PAPPA: variants seen among roughly 807,000 people sequenced by gnomAD.
PAPPA encodes the protein pappalysin 1.
A neutral mutation model predicts 164.0 loss-of-function variants in PAPPA; 60 were observed. The observed-to-expected ratio is 0.37, with a 90% CI of 0.30 to 0.45. PAPPA has a LOEUF of 0.45. Ranked by LOEUF, PAPPA falls within the 20% of genes least tolerant of loss-of-function variation. The probability of loss-of-function intolerance (pLI) is 1.00; values close to 1 mark genes in which losing one functional copy is unlikely to be tolerated. For synonymous variants in PAPPA, 875 were observed against 814.1 expected (o/e 1.07, Z -1.27); for missense variants, 1,782 against 2,087.3 (o/e 0.85, Z 2.85).
At chr9:116,339,724 T>A (rs1564232395) in intron 13 of PAPPA, among the ~76,000 whole-genome samples, 1 of 152,194 alleles carries the variant, frequency 6.6e-6, no homozygotes, top group Non-Finnish European at 1.5e-5. Context: ...TGCAGCTAAG[T>A]GGCAGGGCAC....
intron 19 of PAPPA, among the ~76,000 whole-genome samples, chr9:116,377,158 T>C (rs1846664176): frequency 6.6e-6 from 1 of 151,778 alleles, no homozygotes; most frequent in South Asian, 2.1e-4. Flanking sequence ...CCTGCTGCAG[T>C]CACACACATG....
rs55901693 is a variant in PAPPA, at chr9:116,352,888, G to C, written c.4147G>C (p.Val1383Leu). 6.2e-7 allele frequency: 1 copy of C among 1,614,056 alleles called. No individual in the cohort carries two copies. Among genetic ancestry groups the C allele is most frequent in the East Asian group, 2.2e-5 (1 of 44,880 alleles). ...ATACAAATGCAAGCCTGGATACCAT[G>C]TGCCTGGATCCTCTCGGAAGTCAAA... is the stretch of plus-strand genomic sequence containing the variant. ...CKYKCKPGYH[V>L]PGSSRKSKKR... Residue 1383 changes from valine (V) to leucine (L), a missense_variant, in exon 16 of 22, where the codon GTG (valine) becomes CTG (leucine). By Grantham distance (32) the Val-to-Leu change is conservative (BLOSUM62 1). Coordinates refer to ENST00000328252, the MANE Select transcript of PAPPA (RefSeq NM_002581.5).
At chr9:116,338,502 G>A (rs760595844) in intron 13 of PAPPA, among the ~76,000 whole-genome samples, 1 of 152,204 alleles carries the variant, frequency 6.6e-6, no homozygotes, top group Admixed American at 6.5e-5. Flanking sequence ...GACCCCATGT[G>A]TAGAATATCT....
intron 21 of PAPPA, among the ~76,000 whole-genome samples, chr9:116,391,688 G>A (rs1846895258): frequency 6.6e-6 from 1 of 152,224 alleles, no homozygotes; most frequent in Non-Finnish European, 1.5e-5. Context: ...GTAAAAACAG[G>A]AGAGAATCCT....
rs57871796 is a variant in PAPPA, at chr9:116,314,060, C to CTTTTTTT, written c.3147+11134_3147+11140dup. On this transcript the variant is annotated intron_variant, in intron 10 of 21. Transcript: ENST00000328252. ...ATTCAGTTCTGTCATTGCATCGAAT[C>CTTTTTTT]TTTTTTTTTTTTTTTTTTTTTTTTT... 6.7e-4 allele frequency among the ~76,000 whole-genome samples: 47 copies of CTTTTTTT among 69,732 alleles called. 2 individuals are homozygous for CTTTTTTT. The highest frequency in any genetic ancestry group is 9.3e-4 in the Non-Finnish European group (31 of 33,470). 45.7% of individuals were successfully genotyped at this position (69,732 alleles called of 152,430 possible). A position where few individuals can be genotyped will look rare whatever the true frequency, so the allele number is the denominator to read the frequency against.
intron 7 of PAPPA, among the ~76,000 whole-genome samples, chr9:116,247,536 C>G (rs1349708321): frequency 6.6e-6 from 1 of 152,100 alleles, no homozygotes; most frequent in Non-Finnish European, 1.5e-5. Context: ...TCTGTTCACT[C>G]TGGGGGTAGG....
chr9:116,272,201 A>G (rs1418783366), intron 9 of PAPPA, among the ~76,000 whole-genome samples: 1 of 152,172 alleles, frequency 6.6e-6, no homozygotes, highest in Non-Finnish European at 1.5e-5. Flanking sequence ...GCTGGTCCAG[A>G]TGAGATCATA....
intron 1 of PAPPA, among the ~76,000 whole-genome samples, chr9:116,176,995 A>G (rs1035057117): frequency 7.1e-6 from 1 of 141,322 alleles, no homozygotes; most frequent in Admixed American, 7.1e-5. Context: ...TATTAGTGAC[A>G]TTAAATTGAC....
chr9:116,221,235 T>C (rs1303712474), intron 5 of PAPPA, among the ~76,000 whole-genome samples: 1 of 152,150 alleles, frequency 6.6e-6, no homozygotes, highest in Non-Finnish European at 1.5e-5. Context: ...GGACCAGATT[T>C]AAAAGGGTCA....
At chr9:116,303,034 G>A in intron 10 of PAPPA, 84 bp downstream of exon 10, 1 of 1,142,360 alleles carries the variant, frequency 8.8e-7, no homozygotes, top group Non-Finnish European at 1.3e-6. Context: ...CTCTAAGGCA[G>A]TGTCATTGGC....
chr9:116,283,146 G>T (rs898115890), intron 9 of PAPPA, among the ~76,000 whole-genome samples: 2 of 152,098 alleles, frequency 1.3e-5, no homozygotes, highest in African/African-American at 2.4e-5. Context: ...ATGTGACCAG[G>T]CTCACACTGA....
At chr9:116,351,976 C>T (rs914203546) in intron 15 of PAPPA, among the ~76,000 whole-genome samples, 3 of 152,112 alleles carry the variant, frequency 2.0e-5, no homozygotes, top group Admixed American at 6.5e-5. Context: ...GGCTGTGCCT[C>T]GATAATATAT....
chr9:116,382,867 G>A (rs1250959494), intron 21 of PAPPA, among the ~76,000 whole-genome samples: 1 of 152,168 alleles, frequency 6.6e-6, no homozygotes, highest in African/African-American at 2.4e-5. Context: ...AAGGGGTGAG[G>A]AGGTGGTCAA....
rs191213193 is a variant in PAPPA, at chr9:116,296,407, C to T, written c.2954-6350C>T. 2.6e-5 allele frequency among the ~76,000 whole-genome samples: 4 copies of T among 152,236 alleles called. No homozygotes were observed. The East Asian group carries it at 7.7e-4, about 29-fold the overall frequency. On this transcript the variant is annotated intron_variant, in intron 9 of 21. Transcript: ENST00000328252. Reference sequence around the variant, plus strand: ...TTGTTGTTTATCTAGTCATATATTCCTCAATCACTGGTTTGGTGTCCCCTT... The same window carrying T: ...TTGTTGTTTATCTAGTCATATATTCTTCAATCACTGGTTTGGTGTCCCCTT...
chr9:116,176,864 C>T (rs1843842010), intron 1 of PAPPA, among the ~76,000 whole-genome samples: 1 of 151,960 alleles, frequency 6.6e-6, no homozygotes, highest in Non-Finnish European at 1.5e-5. Flanking sequence ...CTGATTATAG[C>T]AAAACTGGGA....
intron 7 of PAPPA, among the ~76,000 whole-genome samples, chr9:116,258,504 A>T (rs146981648): frequency 6.6e-6 from 1 of 151,962 alleles, no homozygotes; most frequent in African/African-American, 2.4e-5. Flanking sequence ...TAAAAATACA[A>T]AATTAGCCAG....
chr9:116,256,496 A>C (rs58825268), intron 7 of PAPPA, among the ~76,000 whole-genome samples: 1,967 of 152,004 alleles, frequency 0.013, 48 homozygotes, highest in African/African-American at 0.045. Context: ...GATTTAACTC[A>C]AGAGTTTTGC....
intron 6 of PAPPA, among the ~76,000 whole-genome samples, chr9:116,234,791 A>G (rs2118742060): frequency 6.6e-6 from 1 of 152,284 alleles, no homozygotes; most frequent in Middle Eastern, 3.4e-3. Context: ...AGTTCAGGGG[A>G]CACAGTGGGT....
chr9:116,213,837 T>C (rs1844339470), intron 4 of PAPPA, among the ~76,000 whole-genome samples: 1 of 152,182 alleles, frequency 6.6e-6, no homozygotes, highest in African/African-American at 2.4e-5. Flanking sequence ...TTGAAATGTT[T>C]GTTTTCCTTG....
Sources: gnomAD v4.1 joint callset for allele counts (sites outside exome capture counted in the v4.1 genomes callset) on GRCh38, gnomAD v4.1.1 for gene constraint, MANE v1.5 for transcripts, NCBI Gene and HGNC (gene_info 2026-07-23, HGNC 2026-07-21) for gene names.